RBBP5: variants seen among roughly 807,000 people sequenced by gnomAD.
The protein encoded by RBBP5 is RB binding protein 5, histone lysine methyltransferase complex subunit, also known as retinoblastoma-binding protein 5.
In RBBP5, 5 loss-of-function variants were observed where a neutral mutation model predicts 72.2. That is an observed-to-expected ratio of 0.07 (90% CI 0.04 to 0.15). The LOEUF is 0.15. Ranked by LOEUF, RBBP5 falls within the 10% of genes least tolerant of loss-of-function variation. The pLI is 1.00. For synonymous variants in RBBP5, 209 were observed against 237.2 expected (o/e 0.88, Z 1.09); for missense variants, 322 against 652.2 (o/e 0.49, Z 5.51).
intron 2 of RBBP5, among the ~76,000 whole-genome samples, chr1:205,115,632 G>A (rs948269168): frequency 2.0e-5 from 3 of 152,162 alleles, no homozygotes; most frequent in Non-Finnish European, 2.9e-5. Context: ...TTTATTTAAA[G>A]GAAAATGAAC....
intron 1 of RBBP5, among the ~76,000 whole-genome samples, chr1:205,118,251 C>T (rs1025889267): frequency 1.3e-5 from 2 of 152,230 alleles, no homozygotes; most frequent in South Asian, 4.1e-4. Flanking sequence ...GTTTTTCAAA[C>T]AGTAAGACGC....
At position 205,121,894 on chromosome 1, in the gene RBBP5, C is replaced by G. The variant is rs777462491; in HGVS notation, c.-21G>C. On this transcript the variant is annotated 5_prime_UTR_variant, in exon 1 of 14. Coordinates refer to ENST00000264515, the MANE Select transcript of RBBP5 (RefSeq NM_005057.4). ...TTCATCCCTGCGGACTGTGGCCGCC[C>G]GGTCTCAGCTCCGGCAACAACACCT... is the stretch of plus-strand genomic sequence containing the variant. The G allele has an allele frequency of 2.7e-5, 44 of 1,609,846 alleles. No homozygotes were observed. The highest frequency in any genetic ancestry group is 1.6e-4 in the Middle Eastern group (1 of 6,082).
intron 2 of RBBP5, 102 bp from the exon 3 acceptor site, chr1:205,115,063 A>G: frequency 9.5e-7 from 1 of 1,049,918 alleles, no homozygotes; most frequent in Non-Finnish European, 1.4e-6. Flanking sequence ...ATTGAATATA[A>G]ATTACACTGC....
chr1:205,108,130 C>G (rs1656154051), intron 3 of RBBP5, among the ~76,000 whole-genome samples: 1 of 151,540 alleles, frequency 6.6e-6, no homozygotes, highest in South Asian at 2.1e-4. Flanking sequence ...GTAGTCCCAG[C>G]TACTCGGGAG....
Position 205,104,088 on chromosome 1 carries a change from C to A in RBBP5, c.360-69G>T, listed in dbSNP as rs933342826. On this transcript the variant is annotated intron_variant, in intron 4 of 13. Transcript: ENST00000264515. The stretch of plus-strand genomic sequence containing the variant: ...CAGCAAGCTGATTCCCTGTCCTTTT[C>A]CCTGATCCCTGTCCATACCCTCATC... 1.4e-5 allele frequency: 22 copies of A among 1,535,554 alleles called. No homozygotes were observed. In the African/African-American group the frequency reaches 2.9e-4, roughly 20 times the overall value.
At chr1:205,120,215 C>T (rs1174354762) in intron 1 of RBBP5, among the ~76,000 whole-genome samples, 1 of 152,168 alleles carries the variant, frequency 6.6e-6, no homozygotes, top group Non-Finnish European at 1.5e-5. Context: ...GTTTTACACT[C>T]CTCCAAAACT....
chr1:205,120,617 G>C (rs1339671734), intron 1 of RBBP5, among the ~76,000 whole-genome samples: 1 of 151,940 alleles, frequency 6.6e-6, no homozygotes, highest in African/African-American at 2.4e-5. Flanking sequence ...CCCCATCTCT[G>C]CTAAACATAC....
Position 205,088,647 on chromosome 1 carries a change from CAT to C in RBBP5, c.*138_*139del. 5.2e-6 allele frequency: 4 copies of C among 769,254 alleles called. No homozygotes were observed. The highest frequency in any genetic ancestry group is 8.5e-6 in the Non-Finnish European group (4 of 472,300). The allele number at this position is 769,254 out of a possible 1,614,324, so 47.7% of individuals were successfully genotyped here. A position where few individuals can be genotyped will look rare whatever the true frequency, so the allele number is the denominator to read the frequency against. On this transcript the variant is annotated 3_prime_UTR_variant, in exon 14 of 14. Transcript: ENST00000264515. ...TCCATAATTCACTTCTTCATTTAAA[CAT>C]AAAATTCACCCTCCCACCTCCTGGG...
Position 205,099,862 on chromosome 1 carries a change from G to C in RBBP5, c.906+49C>G, listed in dbSNP as rs1350285337. 2 of 1,613,498 alleles carry C rather than the reference G, an allele frequency of 1.2e-6. No homozygotes were observed. Among genetic ancestry groups the C allele is most frequent in the Admixed American group, 1.7e-5 (1 of 59,952 alleles). Reference sequence around the variant, plus strand: ...AACAGGTTGTTAAGAACAGATTTTAGATTTTTTGGATTATGTGACTAACAA... The same window carrying C: ...AACAGGTTGTTAAGAACAGATTTTACATTTTTTGGATTATGTGACTAACAA... On this transcript the variant is annotated intron_variant, in intron 8 of 13. Transcript: ENST00000264515. This position sits in a 1 kb window ranked among gnomAD's most constrained non-coding sequence, Gnocchi z 4.7.
chr1:205,093,521 T>C (rs1339163628), intron 13 of RBBP5, among the ~76,000 whole-genome samples: 63 of 21,576 alleles, frequency 2.9e-3, no homozygotes, highest in African/African-American at 0.016. Flanking sequence ...TATATATATA[T>C]ATATATATAT....
At chr1:205,097,480 A>C in intron 10 of RBBP5, 85 bp from the exon 11 acceptor site, 1 of 1,299,846 alleles carries the variant, frequency 7.7e-7, no homozygotes, top group South Asian at 1.3e-5. Flanking sequence ...ATAAGTTGAA[A>C]TTCCAGAGAA....
At chr1:205,116,995 T>G (rs1459878174) in intron 1 of RBBP5, among the ~76,000 whole-genome samples, 1 of 152,164 alleles carries the variant, frequency 6.6e-6, no homozygotes, top group Non-Finnish European at 1.5e-5. Flanking sequence ...ATTCTCTTTA[T>G]TTCTTTGTTT....
At position 205,108,462 on chromosome 1, in the gene RBBP5, G is replaced by A. The variant is rs147342985; in HGVS notation, c.219-3294C>T. On this transcript the variant is annotated intron_variant, in intron 3 of 13. Coordinates refer to ENST00000264515, the MANE Select transcript of RBBP5 (RefSeq NM_005057.4). ...TACAACTTATCACCAGTAGACTGTG[G>A]TAAGTTATAAATGTATGATGTAAAA... Among the ~76,000 whole-genome samples, 164 of 152,256 alleles carry A rather than the reference G, an allele frequency of 1.1e-3. 1 individual carries two copies. The highest frequency in any genetic ancestry group is 3.7e-3 in the African/African-American group (154 of 41,550).
chr1:205,114,658 C>G (rs951785401), intron 3 of RBBP5, 131 bp downstream of exon 3: 1 of 900,104 alleles, frequency 1.1e-6, no homozygotes, highest in Non-Finnish European at 1.6e-6. Flanking sequence ...CTACATAAAC[C>G]ATGATAAACT....
chr1:205,116,382 C>A, intron 1 of RBBP5: 2 of 307,596 alleles, frequency 6.5e-6, no homozygotes, highest in Non-Finnish European at 6.7e-6. Context: ...AACAAAAACT[C>A]TCTGGGGACC....
intron 5 of RBBP5, among the ~76,000 whole-genome samples, chr1:205,102,806 C>T (rs555339163): frequency 9.2e-5 from 14 of 152,020 alleles, no homozygotes; most frequent in Admixed American, 9.2e-4. Flanking sequence ...CCAGCCTGAT[C>T]AACATGGAGA....
chr1:205,115,039 C>T (rs550000994), intron 2 of RBBP5, 78 bp from the exon 3 acceptor site: 21 of 1,263,202 alleles, frequency 1.7e-5, no homozygotes, highest in Middle Eastern at 2.5e-4. Flanking sequence ...TTCTTTATCA[C>T]TTGTGATACT....
At position 205,100,205 on chromosome 1, in the gene RBBP5, A is replaced by G. The variant is rs1192374570; in HGVS notation, c.699T>C (p.Cys233=). 1 of 1,614,210 alleles carries G rather than the reference A, an allele frequency of 6.2e-7. No homozygotes were observed. Among genetic ancestry groups the G allele is most frequent in the East Asian group, 2.2e-5 (1 of 44,886 alleles). The change falls in exon 7 of 14, where the codon TGT becomes TGC. Residue 233 remains cysteine, a synonymous_variant. Transcript: ENST00000264515. The part of the protein sequence containing the change: ...RVYDGREILT[C]GRDGEPEPMQ... Reference sequence around the variant, plus strand: ...TAGGTTCAGGCTCTCCATCTCTTCCACATGTTAAGATTTCTCTGCCATCAT... The same window carrying G: ...TAGGTTCAGGCTCTCCATCTCTTCCGCATGTTAAGATTTCTCTGCCATCAT...
chr1:205,101,458 A>C lies in RBBP5; in HGVS notation c.632+142T>G. ...AGGAAATGTTATGAACTCGAAAACC[A>C]GATATTGTAAGTTTCTAAAAACCTT... On this transcript the variant is annotated intron_variant, in intron 6 of 13. Coordinates refer to ENST00000264515, the MANE Select transcript of RBBP5 (RefSeq NM_005057.4). The C allele has an allele frequency of 5.4e-6, 3 of 558,240 alleles. No individual in the cohort carries two copies. The South Asian group carries it at 1.1e-4, about 20-fold the overall frequency. 34.6% of individuals were successfully genotyped at this position (558,240 alleles called of 1,614,324 possible).
Sources: gnomAD v4.1 joint callset for allele counts (sites outside exome capture counted in the v4.1 genomes callset) on GRCh38, gnomAD v4.1.1 for gene constraint, Gnocchi (gnomAD v3.1) non-coding constraint, MANE v1.5 for transcripts, NCBI Gene and HGNC (gene_info 2026-07-23, HGNC 2026-07-21) for gene names.